ZFAT: variants seen among roughly 807,000 people sequenced by gnomAD.
The protein encoded by ZFAT is zinc finger and AT-hook domain containing.
A neutral mutation model predicts 117.7 loss-of-function variants in ZFAT; 64 were observed. The ratio of observed to expected loss-of-function variants is 0.54; its 90% CI spans 0.44 to 0.67. ZFAT has a LOEUF of 0.67. Among genes scored for constraint, ZFAT ranks in the 30% least tolerant of loss-of-function variants. The pLI is 0.00. For synonymous variants in ZFAT, 679 were observed against 615.0 expected (o/e 1.10, Z -1.54); for missense variants, 1,433 against 1,584.5 (o/e 0.90, Z 1.62).
At chr8:134,587,096 C>T (rs978064585) in intron 9 of ZFAT, among the ~76,000 whole-genome samples, 1 of 152,198 alleles carries the variant, frequency 6.6e-6, no homozygotes, top group Non-Finnish European at 1.5e-5. Flanking sequence ...GTTCCCATCA[C>T]TTGGCTTTCA....
the ZFAT span, among the ~76,000 whole-genome samples, chr8:134,791,587 T>G: frequency 2.0e-5 from 3 of 152,192 alleles, no homozygotes; most frequent in African/African-American, 7.2e-5. Context: ...GTTATGGGAT[T>G]GTGGTGGTAG....
At chr8:134,808,076 T>C in the ZFAT span, among the ~76,000 whole-genome samples, 2 of 152,190 alleles carry the variant, frequency 1.3e-5, no homozygotes, top group Non-Finnish European at 2.9e-5. Flanking sequence ...ATAATTCTAT[T>C]TTACAGATGA....
chr8:134,486,522 T>C (rs1817667468), intron 15 of ZFAT, among the ~76,000 whole-genome samples: 1 of 152,186 alleles, frequency 6.6e-6, no homozygotes, highest in Non-Finnish European at 1.5e-5. Flanking sequence ...TAGATGTCAT[T>C]AATGTCCTTG....
chr8:134,657,605 G>C lies in ZFAT; in HGVS notation c.152C>G (p.Pro51Arg), dbSNP rs760470381. The C allele has an allele frequency of 1.9e-6, 3 of 1,613,978 alleles. No homozygotes were observed. The highest frequency in any genetic ancestry group is 2.5e-6 in the Non-Finnish European group (3 of 1,179,994). ...NVDEIIIPLRPLSTPEPPNSS... is the reference protein window; with the variant it reads ...NVDEIIIPLRRLSTPEPPNSS... ...GTTGGGGGGTTCAGGTGTACTCAGA[G>C]GCCTAAGGGGAATAATAATCTCATC... The change falls in exon 2 of 16, where the codon CCT (proline) becomes CGT (arginine). Residue 51 changes from proline to arginine, a missense_variant. By Grantham distance (103) the Pro-to-Arg change is moderately radical. Coordinates refer to ENST00000377838, the MANE Select transcript of ZFAT (RefSeq NM_020863.4).
the ZFAT span, among the ~76,000 whole-genome samples, chr8:134,753,221 C>CAACG: frequency 7.8e-6 from 1 of 128,266 alleles, no homozygotes; most frequent in Non-Finnish European, 1.7e-5. Context: ...AACACAAAAC[C>CAACG]AACGAACCAA....
chr8:134,725,533 A>C, the ZFAT span, among the ~76,000 whole-genome samples: 4 of 152,108 alleles, frequency 2.6e-5, no homozygotes, highest in African/African-American at 9.7e-5. Flanking sequence ...TGAGAACTCT[A>C]TCACAAGAAC....
intron 3 of ZFAT, among the ~76,000 whole-genome samples, chr8:134,613,659 T>C (rs1292860566): frequency 6.6e-6 from 1 of 152,038 alleles, no homozygotes; most frequent in African/African-American, 2.4e-5. Flanking sequence ...TCCAGGAACT[T>C]GGAAAGCTGC....
chr8:134,805,125 CTAAA>C, the ZFAT span, among the ~76,000 whole-genome samples: 1 of 152,082 alleles, frequency 6.6e-6, no homozygotes. Context: ...GCAATTTCTC[CTAAA>C]TAAATCTAAT....
Position 134,532,975 on chromosome 8 carries a change from G to A in ZFAT, c.2977-3C>T, listed in dbSNP as rs368593970. ...TGGCAATGGGCACAGCGGAAAGGCT[G>A]CGGGGACAATGAGGAGGGGTTAGGA... is the stretch of plus-strand genomic sequence containing the variant. On this transcript the variant is annotated splice_region_variant and splice_polypyrimidine_tract_variant and intron_variant, in intron 11 of 15. Transcript: ENST00000377838. 4 of 1,599,228 alleles carry A rather than the reference G, an allele frequency of 2.5e-6. No homozygotes were observed. The highest frequency in any genetic ancestry group is 1.1e-5 in the South Asian group (1 of 88,132).
At chr8:134,601,271 C>T (rs139885775) in intron 6 of ZFAT, among the ~76,000 whole-genome samples, 2 of 152,218 alleles carry the variant, frequency 1.3e-5, no homozygotes. Flanking sequence ...CAGGCCAACA[C>T]AGTCAACTGT....
chr8:134,505,594 C>T (rs1212274793), intron 15 of ZFAT, among the ~76,000 whole-genome samples: 1 of 152,128 alleles, frequency 6.6e-6, no homozygotes, highest in Non-Finnish European at 1.5e-5. Flanking sequence ...GGAAGGCTGG[C>T]AATCGCAATT....
At chr8:134,588,508 G>A in intron 8 of ZFAT, 113 bp from the exon 9 acceptor site, 2 of 1,186,310 alleles carry the variant, frequency 1.7e-6, no homozygotes, top group East Asian at 2.7e-5. Context: ...GTGCCTCATG[G>A]TGTCCAGAGA....
intron 12 of ZFAT, among the ~76,000 whole-genome samples, chr8:134,530,083 A>G (rs1018667678): frequency 6.6e-6 from 1 of 152,346 alleles, no homozygotes; most frequent in East Asian, 1.9e-4. Context: ...CCTAGGAATC[A>G]ATAGCTTTGC....
intron 12 of ZFAT, among the ~76,000 whole-genome samples, chr8:134,528,619 G>C (rs1220248846): frequency 6.6e-6 from 1 of 152,172 alleles, no homozygotes; most frequent in African/African-American, 2.4e-5. Context: ...ATACTAAGAC[G>C]TCTCCTTGAC....
intron 11 of ZFAT, among the ~76,000 whole-genome samples, chr8:134,562,272 A>C: frequency 6.6e-6 from 1 of 152,186 alleles, no homozygotes; most frequent in Non-Finnish European, 1.5e-5. Context: ...CCCTGCCAAC[A>C]CCTTGATTTT....
the ZFAT span, among the ~76,000 whole-genome samples, chr8:134,817,909 G>A: frequency 2.0e-5 from 3 of 152,082 alleles, no homozygotes; most frequent in Admixed American, 6.5e-5. Flanking sequence ...AGGGGGAAAA[G>A]GGAATTCAAT....
chr8:134,599,165 CAAAGAGAGAGAG>C (rs1827201437), intron 7 of ZFAT: 1 of 152,174 alleles, frequency 6.6e-6, no homozygotes, highest in African/African-American at 2.4e-5. Context: ...ACATGCTACT[CAAAGAGAGAGAG>C]ACAGAAAGAA....
At chr8:134,685,928 G>A (rs1036924251) in intron 1 of ZFAT, among the ~76,000 whole-genome samples, 2 of 152,202 alleles carry the variant, frequency 1.3e-5, no homozygotes, top group Non-Finnish European at 2.9e-5. Flanking sequence ...ATCTTAAGAC[G>A]AGTTAAGTGG....
At chr8:134,781,793 G>A in the ZFAT span, among the ~76,000 whole-genome samples, 1 of 152,096 alleles carries the variant, frequency 6.6e-6, no homozygotes, top group Admixed American at 6.5e-5. Context: ...TGAACGTGAG[G>A]AGGATGAAGA....
Sources: gnomAD v4.1 joint callset for allele counts (sites outside exome capture counted in the v4.1 genomes callset) on GRCh38, gnomAD v4.1.1 for gene constraint, MANE v1.5 for transcripts, NCBI Gene and HGNC (gene_info 2026-07-23, HGNC 2026-07-21) for gene names.